Variants in SYT8 observed in about 807,000 individuals in gnomAD.
SYT8 encodes the protein synaptotagmin 8.
Under a neutral mutation model 34.9 loss-of-function variants are expected in SYT8, and 50 were observed. The observed-to-expected ratio is 1.43, with a 90% CI of 1.14 to 1.81. The LOEUF is 1.81. SYT8 is among the 40% of genes most tolerant of loss of function. SYT8 has a pLI of 0.00. For missense variants in SYT8, 595 were observed against 529.0 expected, an observed-to-expected ratio of 1.12 and a Z score of -1.22; for synonymous variants, 255 against 234.2, an observed-to-expected ratio of 1.09 and a Z score of -0.81.
Position 1,836,942 on chromosome 11 carries a change from A to C in SYT8, c.791-15A>C, listed in dbSNP as rs762386784. ...CGAGCCCTGGGATGCCCCTTCGGCA[A>C]CCTTGCCCTCCCAGAGCCCTACGTG... On this transcript the variant is annotated splice_polypyrimidine_tract_variant and intron_variant, in intron 6 of 7. Transcript: ENST00000341958. The C allele has an allele frequency of 6.2e-7, 1 of 1,613,292 alleles. No homozygotes were observed. The highest frequency in any genetic ancestry group is 2.2e-5 in the East Asian group (1 of 44,858).
chr11:1,836,809 C>T lies in SYT8; in HGVS notation c.738C>T (p.Gly246=). The T allele has an allele frequency of 6.2e-7, 1 of 1,611,240 alleles. No individual in the cohort carries two copies. Among genetic ancestry groups the T allele is most frequent in the Non-Finnish European group, 8.5e-7 (1 of 1,179,984 alleles). ...CFSLRYVPSS[G]RLTVVVLEAR... The stretch of plus-strand genomic sequence containing the variant: ...CTCTCCGGTACGTGCCCAGCTCAGG[C>T]CGGCTGACCGTGGTGGTGCTGGAGG... Residue 246 remains glycine (G), a synonymous_variant, in exon 6 of 8, where the codon GGC becomes GGT. Transcript: ENST00000341958.
upstream of SYT8, chr11:1,831,926 A>G (rs1374355980): frequency 2.7e-6 from 1 of 363,926 alleles, no homozygotes; most frequent in Non-Finnish European, 5.6e-6. Context: ...GGGGGCTGCC[A>G]GCCCCAGCAC....
chr11:1,834,419 T>G, upstream of SYT8: 1 of 716,390 alleles, frequency 1.4e-6, no homozygotes. The surrounding 1 kb of genome is among the most constrained non-coding windows in gnomAD (Gnocchi z 4.5). Flanking sequence ...CACCTCACCT[T>G]CATCCTCAGG....
At chr11:1,836,012 CG>C (rs1565052886) in intron 3 of SYT8, 28 bp downstream of exon 3, 1 of 1,591,376 alleles carries the variant, frequency 6.3e-7, no homozygotes, top group South Asian at 1.1e-5. Context: ...GCAGGACCAG[CG>C]GTTCTGCGAG....
chr11:1,832,914 G>T (rs1589784527), upstream of SYT8, among the ~76,000 whole-genome samples: 1 of 152,288 alleles, frequency 6.6e-6, no homozygotes, highest in South Asian at 2.1e-4. Context: ...CAAAGCGGGG[G>T]CACAGGGGAG....
rs1847006099 is a variant in SYT8 at position 1,837,310 on chromosome 11, T to C, written c.1043T>C (p.Met348Thr). ...SGQPLQHWAD[M>T]LAHARRPIAQ... Reference sequence around the variant, plus strand: ...CAGCCCCTGCAGCACTGGGCAGACATGCTGGCCCACGCCCGGCGGCCCATT... The same window carrying C: ...CAGCCCCTGCAGCACTGGGCAGACACGCTGGCCCACGCCCGGCGGCCCATT... Residue 348 changes from methionine (M) to threonine (T), a missense_variant, in exon 8 of 8, where the codon ATG becomes ACG. Met to Thr is a moderately conservative substitution (Grantham distance 81). Transcript: ENST00000341958. 2 of 1,589,670 alleles carry C rather than the reference T, an allele frequency of 1.3e-6. No individual in the cohort carries two copies. The highest frequency in any genetic ancestry group is 8.5e-7 in the Non-Finnish European group (1 of 1,172,622).
rs901625280 is a variant in SYT8 at position 1,836,476 on chromosome 11, T to C, written c.568T>C (p.Phe190Leu). 2 of 1,610,116 alleles carry C rather than the reference T, an allele frequency of 1.2e-6. No homozygotes were observed. Among genetic ancestry groups the C allele is most frequent in the Admixed American group, 3.4e-5 (2 of 59,446 alleles). ...CACCCTGCAGGTGCAGCTTTTCAAC[T>C]TCAAGCGCTTCTCGGGGCATGAGCC... ...GATLQVQLFN[F>L]KRFSGHEPLG... The change falls in exon 5 of 8, where the codon TTC (phenylalanine) becomes CTC (leucine). Residue 190 changes from phenylalanine to leucine, a missense_variant. Physicochemically the swap from Phe to Leu is conservative, Grantham distance 22 (BLOSUM62 0). Coordinates refer to ENST00000341958, the MANE Select transcript of SYT8 (RefSeq NM_001394072.1).
chr11:1,836,091 G>T (rs764861434), intron 3 of SYT8, 35 bp from the exon 4 acceptor site: 4 of 1,535,486 alleles, frequency 2.6e-6, no homozygotes, highest in Non-Finnish European at 3.5e-6. Context: ...GACAGGGCAG[G>T]GGCCCTTGGC....
chr11:1,835,847 A>T, intron 2 of SYT8, 39 bp from the exon 3 acceptor site: 1 of 1,548,430 alleles, frequency 6.5e-7, no homozygotes, highest in Non-Finnish European at 8.9e-7. Flanking sequence ...ATGAGGCATG[A>T]TGTCAGCACC....
At chr11:1,835,716 G>A (rs1182957375) in intron 2 of SYT8, 170 bp from the exon 3 acceptor site, 1 of 757,206 alleles carries the variant, frequency 1.3e-6, no homozygotes, top group Non-Finnish European at 2.2e-6. Context: ...CCACGTTTTG[G>A]GTGGGTTTGG....
chr11:1,832,378 C>T (rs1407015932), upstream of SYT8, among the ~76,000 whole-genome samples: 8 of 152,192 alleles, frequency 5.3e-5, no homozygotes, highest in Non-Finnish European at 8.8e-5. Context: ...GAGGAGGGAC[C>T]GTCTCCCTTT....
In SYT8 at chr11:1,835,112, C is replaced by G. The variant is rs564263094; in HGVS notation, c.7C>G (p.His3Asp). The stretch of plus-strand genomic sequence containing the variant: ...AAACCAGCAGGGTAGAAAGATGGGG[C>G]ACCCACCAGTCTCTCCCAGTGCCCC... The part of the protein sequence containing the change: MG[H>D]PPVSPSAPAP... Residue 3 changes from histidine (H) to aspartate (D), a missense_variant, in exon 1 of 8, where the codon CAC becomes GAC. Physicochemically the swap from His to Asp is moderately conservative, Grantham distance 81. Coordinates refer to ENST00000341958, the MANE Select transcript of SYT8 (RefSeq NM_001394072.1). The G allele has an allele frequency of 6.2e-7, 1 of 1,613,016 alleles. No individual in the cohort carries two copies.
chr11:1,832,503 G>C (rs775266298), upstream of SYT8, among the ~76,000 whole-genome samples: 4 of 152,200 alleles, frequency 2.6e-5, no homozygotes, highest in Non-Finnish European at 5.9e-5. Context: ...AGGCAGGGAG[G>C]GCGGGGGATT....
chr11:1,834,010 A>T (rs1271871796), upstream of SYT8: 1 of 154,516 alleles, frequency 6.5e-6, no homozygotes, highest in Non-Finnish European at 1.4e-5. This position sits in a 1 kb window ranked among gnomAD's most constrained non-coding sequence, Gnocchi z 4.5. Context: ...GCTGACTTGG[A>T]CATGGCAAGA....
Position 1,837,290 on chromosome 11 carries a change from C to T in SYT8, c.1023C>T (p.Pro341=). Residue 341 remains proline, a synonymous_variant, in exon 8 of 8, where the codon CCC becomes CCT. Transcript: ENST00000341958. ...VHLGARASGQ[P]LQHWADMLAH... ...TGGGTGCCCGGGCCTCGGGGCAGCCCCTGCAGCACTGGGCAGACATGCTGG... is the reference window on the plus strand; with the variant it reads ...TGGGTGCCCGGGCCTCGGGGCAGCCTCTGCAGCACTGGGCAGACATGCTGG... The T allele has an allele frequency of 1.3e-6, 2 of 1,588,410 alleles. No homozygotes were observed. Among genetic ancestry groups the T allele is most frequent in the Non-Finnish European group, 1.7e-6 (2 of 1,172,110 alleles).
At chr11:1,832,405 G>A (rs1255289699), upstream of SYT8, among the ~76,000 whole-genome samples, 1 of 152,156 alleles carries the variant, frequency 6.6e-6, no homozygotes, top group Non-Finnish European at 1.5e-5. Context: ...AAAACATGGC[G>A]TGAACTCCCA....
chr11:1,835,701 A>G, intron 2 of SYT8, 185 bp from the exon 3 acceptor site: 1 of 738,680 alleles, frequency 1.4e-6, no homozygotes. Context: ...GGGGTACCCC[A>G]GATGCCACGT....
chr11:1,834,497 C>T, upstream of SYT8: 1 of 1,413,800 alleles, frequency 7.1e-7, no homozygotes, highest in Non-Finnish European at 9.8e-7. This position sits in a 1 kb window ranked among gnomAD's most constrained non-coding sequence, Gnocchi z 4.5. Flanking sequence ...GCTCCGCCGA[C>T]AGCCAGCCCT....
chr11:1,835,671 C>A lies in SYT8; in HGVS notation c.258+212C>A, dbSNP rs544762946. On this transcript the variant is annotated intron_variant, in intron 2 of 7. Transcript: ENST00000341958. ...CCCCATGGGCCCGAGGGAGCCACAG[C>A]GGGTTCTTGAGGAAGGCAGGGGGTA... The A allele has an allele frequency of 1.4e-3, 1,072 of 742,968 alleles. 24 individuals are homozygous for A. The South Asian group carries it at 0.018, about 12-fold the overall frequency. 46.0% of individuals were successfully genotyped at this position (742,968 alleles called of 1,614,324 possible).
Sources: allele counts gnomAD v4.1 joint callset (sites outside exome capture counted in the v4.1 genomes callset), GRCh38; gene constraint gnomAD v4.1.1; non-coding constraint Gnocchi (gnomAD v3.1); transcripts MANE v1.5; gene names NCBI Gene and HGNC (gene_info 2026-07-23, HGNC 2026-07-21).